PRPSAP2: variants seen among roughly 807,000 people sequenced by gnomAD.
The protein encoded by PRPSAP2 is phosphoribosyl pyrophosphate synthase-associated protein 2.
PRPSAP2 carries 24 observed loss-of-function variants against 40.6 expected under a neutral mutation model. The observed-to-expected ratio is 0.59, with a 90% CI of 0.43 to 0.83. PRPSAP2 has a LOEUF of 0.83. Among genes scored for constraint, PRPSAP2 ranks in the 40% least tolerant of loss-of-function variants. The pLI is 0.00. For missense variants in PRPSAP2, 292 were observed against 465.6 expected, an observed-to-expected ratio of 0.63 and a Z score of 3.43; for synonymous variants, 149 against 164.7, an observed-to-expected ratio of 0.90 and a Z score of 0.73.
At chr17:18,910,152 G>A (rs2040869442) in intron 8 of PRPSAP2, among the ~76,000 whole-genome samples, 1 of 152,176 alleles carries the variant, frequency 6.6e-6, no homozygotes, top group Non-Finnish European at 1.5e-5. Flanking sequence ...GGCGCAAGTG[G>A]CTCACACCTG....
chr17:18,859,947 C>T (rs8077111), intron 1 of PRPSAP2, among the ~76,000 whole-genome samples: 81,485 of 151,818 alleles, frequency 0.54, 22,166 homozygotes, highest in Middle Eastern at 0.6. Flanking sequence ...GGTGTCACCA[C>T]GTTTGTCAGG....
intron 5 of PRPSAP2, among the ~76,000 whole-genome samples, chr17:18,873,257 G>A (rs1483889254): frequency 4.2e-5 from 2 of 48,044 alleles, no homozygotes; most frequent in Non-Finnish European, 9.9e-5. Context: ...GCAATGACGC[G>A]ATCTCGGCTT....
chr17:18,882,689 C>G lies in PRPSAP2; in HGVS notation c.528+6C>G, dbSNP rs2038847632. The G allele has an allele frequency of 6.6e-7, 1 of 1,507,928 alleles. No individual in the cohort carries two copies. Among genetic ancestry groups the G allele is most frequent in the Non-Finnish European group, 9.2e-7 (1 of 1,089,506 alleles). The allele number at this position is 1,507,928 out of a possible 1,614,324, so 93.4% of individuals were successfully genotyped here. ...TACAGTATATTCAAGAAGAGGTGAG[C>G]TAGCTCAAACTTTTTTATTTTAACA... On this transcript the variant is annotated splice_donor_region_variant and intron_variant, in intron 7 of 11. Transcript: ENST00000268835.
intron 7 of PRPSAP2, among the ~76,000 whole-genome samples, chr17:18,884,405 GAT>G: frequency 6.6e-6 from 1 of 152,192 alleles, no homozygotes; most frequent in Middle Eastern, 3.4e-3. Context: ...GTAGTGCCAT[GAT>G]AGCTCACTGC....
intron 8 of PRPSAP2, among the ~76,000 whole-genome samples, chr17:18,901,080 C>A (rs779039786): frequency 6.6e-6 from 1 of 152,134 alleles, no homozygotes; most frequent in East Asian, 1.9e-4. Flanking sequence ...TTTACTCATG[C>A]GGCGGAAATG....
intron 8 of PRPSAP2, chr17:18,908,138 G>A (rs2040715151): frequency 1.8e-6 from 1 of 560,916 alleles, no homozygotes. Context: ...CAGCCTGGGC[G>A]ACAGAGCAAG....
chr17:18,900,213 G>T (rs539147411), intron 8 of PRPSAP2, among the ~76,000 whole-genome samples: 1 of 152,206 alleles, frequency 6.6e-6, no homozygotes, highest in African/African-American at 2.4e-5. Flanking sequence ...GTAGAGACGG[G>T]GTTTTGCCAT....
intron 1 of PRPSAP2, among the ~76,000 whole-genome samples, chr17:18,864,316 C>T (rs1437305820): frequency 6.7e-6 from 1 of 150,208 alleles, no homozygotes; most frequent in African/African-American, 2.5e-5. Context: ...TTTTCTGAGA[C>T]GGAGTCTCGC....
intron 9 of PRPSAP2, among the ~76,000 whole-genome samples, chr17:18,922,940 A>G (rs34216376): frequency 0.082 from 12,466 of 151,614 alleles, 588 homozygotes; most frequent in Middle Eastern, 0.14. Context: ...CGGCCTCCCA[A>G]AGTACTGGGA....
intron 6 of PRPSAP2, 63 bp downstream of exon 6, chr17:18,877,933 C>CT (rs1269803536): frequency 4.7e-6 from 7 of 1,481,538 alleles, no homozygotes; most frequent in Admixed American, 2.0e-5. Context: ...TTTATTCTCT[C>CT]TTTTTTAAGA....
intron 4 of PRPSAP2, 73 bp from the exon 5 acceptor site, chr17:18,872,510 C>T: frequency 8.7e-7 from 1 of 1,152,674 alleles, no homozygotes; most frequent in Non-Finnish European, 1.3e-6. Flanking sequence ...GGGAATAATA[C>T]AGATTTTTTT....
intron 9 of PRPSAP2, among the ~76,000 whole-genome samples, chr17:18,920,251 T>C (rs1260291690): frequency 6.6e-6 from 1 of 152,196 alleles, no homozygotes; most frequent in East Asian, 1.9e-4. Context: ...GCTGCTTCTT[T>C]GGAACTTGCT....
intron 8 of PRPSAP2, among the ~76,000 whole-genome samples, chr17:18,903,602 C>T (rs553581747): frequency 6.6e-6 from 1 of 152,156 alleles, no homozygotes; most frequent in South Asian, 2.1e-4. Flanking sequence ...GGTGTGGTGG[C>T]GTGTGCCTCT....
At chr17:18,862,724 A>C (rs1259271501) in intron 1 of PRPSAP2, among the ~76,000 whole-genome samples, 1 of 152,162 alleles carries the variant, frequency 6.6e-6, no homozygotes, top group Non-Finnish European at 1.5e-5. Context: ...TTTGACTCCA[A>C]ATCCTGTATT....
chr17:18,905,954 T>A (rs2040560639), intron 8 of PRPSAP2, among the ~76,000 whole-genome samples: 1 of 152,244 alleles, frequency 6.6e-6, no homozygotes. Flanking sequence ...ATATGAATAC[T>A]AAATCTTACA....
intron 9 of PRPSAP2, among the ~76,000 whole-genome samples, chr17:18,920,048 C>T (rs763364128): frequency 1.2e-4 from 18 of 152,260 alleles, no homozygotes; most frequent in South Asian, 2.1e-4. Context: ...CTGGGGCTGC[C>T]GCTCCCTTTC....
At chr17:18,905,845 A>T (rs941310455) in intron 8 of PRPSAP2, among the ~76,000 whole-genome samples, 1 of 152,248 alleles carries the variant, frequency 6.6e-6, no homozygotes, top group Non-Finnish European at 1.5e-5. Context: ...GGCCTCCCAA[A>T]GTGCTGGGAT....
intron 9 of PRPSAP2, among the ~76,000 whole-genome samples, chr17:18,916,179 C>G (rs993161291): frequency 8.6e-5 from 13 of 152,032 alleles, no homozygotes; most frequent in African/African-American, 3.1e-4. Flanking sequence ...AGAACTCTCA[C>G]CAGAGCTCCC....
intron 6 of PRPSAP2, 135 bp from the exon 7 acceptor site, chr17:18,882,433 C>T (rs1290546692): frequency 1.5e-6 from 1 of 652,582 alleles, no homozygotes; most frequent in African/African-American, 1.8e-5. Context: ...ATTGCTTCAG[C>T]CTAGGAGTTC....
Sources: allele counts gnomAD v4.1 joint callset (sites outside exome capture counted in the v4.1 genomes callset), GRCh38; gene constraint gnomAD v4.1.1; transcripts MANE v1.5; gene names NCBI Gene and HGNC (gene_info 2026-07-23, HGNC 2026-07-21).